STKLD1: variants seen among roughly 807,000 people sequenced by gnomAD.
The protein encoded by STKLD1 is serine/threonine kinase like domain containing 1.
In STKLD1, 79 loss-of-function variants were observed where a neutral mutation model predicts 80.4. The observed-to-expected ratio is 0.98, with a 90% CI of 0.82 to 1.19. STKLD1 has a LOEUF of 1.19. Among genes scored for constraint, STKLD1 ranks in the 50% most tolerant of loss-of-function variants. The probability of loss-of-function intolerance (pLI) is 0.00; values close to 1 mark genes in which losing one functional copy is unlikely to be tolerated. For synonymous variants in STKLD1, 393 were observed against 357.6 expected (o/e 1.10, Z -1.12); for missense variants, 841 against 856.0 (o/e 0.98, Z 0.22).
rs1554778529 is a variant in STKLD1 at position 133,405,368 on chromosome 9, C to G, written c.1990C>G (p.Pro664Ala). 6.2e-7 allele frequency: 1 copy of G among 1,612,454 alleles called. No homozygotes were observed. The highest frequency in any genetic ancestry group is 1.7e-5 in the Admixed American group (1 of 60,000). ...DSSAFSKPGL[P>A]PGGSPQLGCT... The stretch of plus-strand genomic sequence containing the variant: ...CAGCGCCTTCAGCAAACCAGGCCTC[C>G]CTCCAGGTGGAAGCCCCCAGCTGGG... Residue 664 changes from proline to alanine, a missense_variant, in exon 18 of 18, where the codon CCT (proline) becomes GCT (alanine). By Grantham distance (27) the Pro-to-Ala change is conservative. Transcript: ENST00000371957.
At chr9:133,382,767 A>G (rs1259488305) in intron 2 of STKLD1, among the ~76,000 whole-genome samples, 1 of 137,094 alleles carries the variant, frequency 7.3e-6, no homozygotes, top group East Asian at 2.1e-4. Context: ...AATGATGGTG[A>G]TGATGGTGGT....
In STKLD1 at chr9:133,400,558, C is replaced by T. The variant is rs782699545; in HGVS notation, c.1198+29C>T. The T allele has an allele frequency of 1.2e-5, 19 of 1,560,866 alleles. No homozygotes were observed. The East Asian group carries it at 2.0e-4, about 17-fold the overall frequency. On this transcript the variant is annotated intron_variant, in intron 12 of 17. Coordinates refer to ENST00000371957, the MANE Select transcript of STKLD1 (RefSeq NM_153710.5). ...GGTGCCAAACCAGGCCAGATGGGGT[C>T]GGGGAGGCTGTGCGCTGCTTCCTGC...
chr9:133,384,151 A>T lies in STKLD1; in HGVS notation c.219+251A>T. ...TGTTCCCAGAGAACATAAAATTTAA[A>T]TATTGGGCTGGGCACGGTGGCTCAC... is the stretch of plus-strand genomic sequence containing the variant. On this transcript the variant is annotated intron_variant, in intron 3 of 17. Transcript: ENST00000371957. The surrounding 1 kb of genome is among the most constrained non-coding windows in gnomAD (Gnocchi z 4.3). 1 of 485,710 alleles carries T rather than the reference A, an allele frequency of 2.1e-6. No homozygotes were observed. The allele number at this position is 485,710 out of a possible 1,614,324, so 30.1% of individuals were successfully genotyped here.
At chr9:133,379,932 T>C (rs1184653699) in intron 2 of STKLD1, among the ~76,000 whole-genome samples, 1 of 152,046 alleles carries the variant, frequency 6.6e-6, no homozygotes, top group Non-Finnish European at 1.5e-5. Flanking sequence ...GGGCCTGGAG[T>C]CCTTGCCCCT....
intron 12 of STKLD1, 38 bp downstream of exon 12, chr9:133,400,567 T>A (rs1838677151): frequency 6.6e-7 from 1 of 1,513,058 alleles, no homozygotes; most frequent in Admixed American, 1.7e-5. Context: ...TCGGGGAGGC[T>A]GTGCGCTGCT....
chr9:133,396,585 C>G (rs1354432160), intron 9 of STKLD1, among the ~76,000 whole-genome samples: 1 of 151,898 alleles, frequency 6.6e-6, no homozygotes, highest in Non-Finnish European at 1.5e-5. Flanking sequence ...GAAACCCCGT[C>G]TCTACTAAAA....
chr9:133,376,411 C>G lies in STKLD1; in HGVS notation c.-63C>G. 1.4e-6 allele frequency: 2 copies of G among 1,475,830 alleles called. No individual in the cohort carries two copies. Among genetic ancestry groups the G allele is most frequent in the Non-Finnish European group, 1.8e-6 (2 of 1,110,036 alleles). The allele number at this position is 1,475,830 out of a possible 1,614,324, so 91.4% of individuals were successfully genotyped here. A position where few individuals can be genotyped will look rare whatever the true frequency, so the allele number is the denominator to read the frequency against. ...TCGGGCGGGGAGGATCCCGCGGGTC[C>G]CACTGACCCACGCGGGGTGGGGCCA... On this transcript the variant is annotated 5_prime_UTR_variant, in exon 1 of 18. Transcript: ENST00000371957.
intron 12 of STKLD1, 33 bp downstream of exon 12, chr9:133,400,562 G>T (rs587609518): frequency 6.5e-7 from 1 of 1,546,770 alleles, no homozygotes; most frequent in East Asian, 2.2e-5. Context: ...TGGGGTCGGG[G>T]AGGCTGTGCG....
At position 133,390,709 on chromosome 9, in the gene STKLD1, A is replaced by T. The variant is rs1838370895; in HGVS notation, c.496A>T (p.Ile166Phe). ...TCTCAAACCCTCCAACATCATCCTC[A>T]TCAGCAGTGACCACTGCAAACTGCA... The part of the protein sequence containing the change: ...RNLKPSNIIL[I>F]SSDHCKLQDL... The change falls in exon 7 of 18, where the codon ATC becomes TTC. Residue 166 changes from isoleucine to phenylalanine, a missense_variant. By Grantham distance (21) the Ile-to-Phe change is conservative. Transcript: ENST00000371957. The surrounding 1 kb of genome is among the most constrained non-coding windows in gnomAD (Gnocchi z 5.1). The T allele has an allele frequency of 6.2e-7, 1 of 1,613,852 alleles. No homozygotes were observed. Among genetic ancestry groups the T allele is most frequent in the East Asian group, 2.2e-5 (1 of 44,882 alleles).
intron 11 of STKLD1, among the ~76,000 whole-genome samples, chr9:133,398,708 A>C (rs1838621984): frequency 6.6e-6 from 1 of 152,152 alleles, no homozygotes; most frequent in African/African-American, 2.4e-5. Context: ...GAGCCCAGGG[A>C]ATTGAGGCTA....
chr9:133,382,416 T>A (rs1838152624), intron 2 of STKLD1, among the ~76,000 whole-genome samples: 1 of 152,176 alleles, frequency 6.6e-6, no homozygotes, highest in Non-Finnish European at 1.5e-5. Flanking sequence ...GGGGCAGGAA[T>A]GGTGGGAGCC....
intron 7 of STKLD1, among the ~76,000 whole-genome samples, chr9:133,392,603 G>GTGGATGGATGGATGGA (rs1245671424): frequency 1.4e-4 from 5 of 36,536 alleles, no homozygotes; most frequent in African/African-American, 4.7e-4. Context: ...GGATGGATGG[G>GTGGATGGATGGATGGA]TGGATGGATG....
intron 10 of STKLD1, 71 bp from the exon 11 acceptor site, chr9:133,397,901 G>A (rs1413987749): frequency 7.9e-7 from 1 of 1,272,210 alleles, no homozygotes; most frequent in Non-Finnish European, 1.1e-6. Flanking sequence ...AGCCCAGTGT[G>A]GTGCCGAGAA....
At position 133,400,547 on chromosome 9, in the gene STKLD1, C is replaced by A. The variant is rs781876405; in HGVS notation, c.1198+18C>A. On this transcript the variant is annotated intron_variant, in intron 12 of 17. Coordinates refer to ENST00000371957, the MANE Select transcript of STKLD1 (RefSeq NM_153710.5). ...GGGCCAAGGTGGGTGCCAAACCAGG[C>A]CAGATGGGGTCGGGGAGGCTGTGCG... The A allele has an allele frequency of 6.9e-6, 11 of 1,584,770 alleles. No homozygotes were observed. The Admixed American group carries it at 1.8e-4, about 26-fold the overall frequency.
chr9:133,400,284 G>A, intron 11 of STKLD1, 129 bp from the exon 12 acceptor site: 1 of 686,854 alleles, frequency 1.5e-6, no homozygotes, highest in Non-Finnish European at 2.6e-6. Context: ...AATCCTCATT[G>A]TCCTTCCCCC....
At chr9:133,386,022 G>T (rs1838257486) in intron 4 of STKLD1, among the ~76,000 whole-genome samples, 1 of 152,016 alleles carries the variant, frequency 6.6e-6, no homozygotes, top group African/African-American at 2.4e-5. Context: ...GGGTTCAAGA[G>T]ATTTTCTTGC....
intron 17 of STKLD1, 140 bp from the exon 18 acceptor site, chr9:133,405,112 G>T: frequency 7.6e-7 from 1 of 1,309,282 alleles, no homozygotes. Flanking sequence ...TGAGGGTGAC[G>T]CTTGGGGCTC....
intron 2 of STKLD1, among the ~76,000 whole-genome samples, chr9:133,379,859 T>A (rs2130262018): frequency 6.6e-5 from 10 of 152,296 alleles, no homozygotes; most frequent in African/African-American, 1.9e-4. Context: ...AGGAGCCTTG[T>A]CAGCAGCTGC....
At chr9:133,395,796 T>G (rs1293657822) in intron 9 of STKLD1, 33 bp downstream of exon 9, 1 of 1,604,252 alleles carries the variant, frequency 6.2e-7, no homozygotes, top group African/African-American at 1.3e-5. Context: ...TTTTAACCTG[T>G]GGATTTATCT....
Sources: allele counts gnomAD v4.1 joint callset (sites outside exome capture counted in the v4.1 genomes callset), GRCh38; gene constraint gnomAD v4.1.1; non-coding constraint Gnocchi (gnomAD v3.1); transcripts MANE v1.5; gene names NCBI Gene and HGNC (gene_info 2026-07-23, HGNC 2026-07-21).